The following ZBTB16 variants were observed in gnomAD, a reference collection of about 807,000 sequenced individuals.
ZBTB16 encodes the protein zinc finger and BTB domain-containing protein 16.
ZBTB16 carries 8 observed loss-of-function variants against 56.8 expected under a neutral mutation model. That is an observed-to-expected ratio of 0.14 (90% confidence interval 0.08 to 0.25). The LOEUF is 0.25. Among genes scored for constraint, ZBTB16 ranks in the 10% least tolerant of loss-of-function variants. ZBTB16 has a pLI of 1.00. For missense variants in ZBTB16, 625 were observed against 903.0 expected, an observed-to-expected ratio of 0.69 and a Z score of 3.95; for synonymous variants, 363 against 368.5, an observed-to-expected ratio of 0.98 and a Z score of 0.17.
At chr11:114,149,869 C>T (rs1368821975) in intron 2 of ZBTB16, among the ~76,000 whole-genome samples, 2 of 152,184 alleles carry the variant, frequency 1.3e-5, no homozygotes, top group Non-Finnish European at 2.9e-5. Context: ...CTTTGTGGTT[C>T]CAGGCAGTCC....
At chr11:114,204,253 A>G (rs1943801773) in intron 4 of ZBTB16, among the ~76,000 whole-genome samples, 1 of 151,260 alleles carries the variant, frequency 6.6e-6, no homozygotes, top group Non-Finnish European at 1.5e-5. Flanking sequence ...TTCCGGGTTC[A>G]AGCGATTCTC....
chr11:114,073,140 G>T (rs10891626), intron 2 of ZBTB16, among the ~76,000 whole-genome samples: 19,491 of 151,872 alleles, frequency 0.13, 1,351 homozygotes, highest in African/African-American at 0.16. Flanking sequence ...GGTGACCAGG[G>T]GGCTCATGGC....
chr11:114,227,226 C>T lies in ZBTB16; in HGVS notation c.1454-14941C>T, dbSNP rs114415815. Among the ~76,000 whole-genome samples, 675 of 152,270 alleles carry T rather than the reference C, an allele frequency of 4.4e-3. 6 individuals carry two copies. Among genetic ancestry groups the T allele is most frequent in the African/African-American group, 0.016 (653 of 41,538 alleles). ...CCTGGGGCCCAGGAAGACAGTGGCC[C>T]ATCACCCCCAGTATTGCACATCAGG... On this transcript the variant is annotated intron_variant, in intron 4 of 6. Transcript: ENST00000335953.
intron 2 of ZBTB16, among the ~76,000 whole-genome samples, chr11:114,100,826 C>T (rs1940579540): frequency 2.0e-5 from 3 of 152,174 alleles, no homozygotes; most frequent in Admixed American, 2.0e-4. Flanking sequence ...AGAATCCTCT[C>T]TTCTAAAGAT....
intron 6 of ZBTB16, among the ~76,000 whole-genome samples, chr11:114,248,072 T>TC (rs1177445186): frequency 6.6e-6 from 1 of 151,920 alleles, no homozygotes; most frequent in Non-Finnish European, 1.5e-5. Flanking sequence ...TAATTTTGTA[T>TC]TTTTTTTAGT....
At chr11:114,190,772 CAT>C (rs1462836784) in intron 4 of ZBTB16, among the ~76,000 whole-genome samples, 14 of 152,020 alleles carry the variant, frequency 9.2e-5, no homozygotes, top group Non-Finnish European at 1.5e-4. Context: ...TATATACACA[CAT>C]GTGTATACAT....
At chr11:114,065,932 G>A (rs73560765) in intron 2 of ZBTB16, among the ~76,000 whole-genome samples, 3,336 of 152,156 alleles carry the variant, frequency 0.022, 111 homozygotes, top group African/African-American at 0.073. Context: ...TAAATAACAG[G>A]GGGGATAAGT....
At chr11:114,167,237 T>G (rs1480106503) in intron 3 of ZBTB16, among the ~76,000 whole-genome samples, 6 of 133,070 alleles carry the variant, frequency 4.5e-5, no homozygotes, top group Admixed American at 1.5e-4. Context: ...TTTTGGTTTT[T>G]TTTTTTTTTT....
At position 114,253,401 on chromosome 11, in the gene ZBTB16, G is replaced by A. The variant is rs1050176315; in HGVS notation, c.*2846G>A. ...GCCCTTTCCTTTTGTAATGTGAATA[G>A]GAAGACAAAAGACAAAAAAAAATCC... On this transcript the variant is annotated 3_prime_UTR_variant, in exon 7 of 7. Coordinates refer to ENST00000335953, the MANE Select transcript of ZBTB16 (RefSeq NM_006006.6). Among the ~76,000 whole-genome samples, 2 of 139,754 alleles carry A rather than the reference G, an allele frequency of 1.4e-5. No individual in the cohort carries two copies. Among genetic ancestry groups the A allele is most frequent in the Admixed American group, 1.4e-4 (2 of 13,888 alleles). 91.7% of individuals were successfully genotyped at this position (139,754 alleles called of 152,430 possible).
intron 2 of ZBTB16, among the ~76,000 whole-genome samples, chr11:114,120,642 T>C (rs1478039386): frequency 6.6e-6 from 1 of 152,184 alleles, no homozygotes; most frequent in Non-Finnish European, 1.5e-5. Context: ...AACCACTGAG[T>C]CTGAGACCCT....
Position 114,064,577 on chromosome 11 carries a change from C to G in ZBTB16, c.1268+9C>G. 1.2e-6 allele frequency: 2 copies of G among 1,613,240 alleles called. No individual in the cohort carries two copies. The highest frequency in any genetic ancestry group is 1.7e-6 in the Non-Finnish European group (2 of 1,179,980). On this transcript the variant is annotated intron_variant, in intron 2 of 6. Coordinates refer to ENST00000335953, the MANE Select transcript of ZBTB16 (RefSeq NM_006006.6). The surrounding 1 kb of genome is among the most constrained non-coding windows in gnomAD (Gnocchi z 4.2). ...GCTGTGGAGCAGCACAGGTAGGCCC[C>G]GCTCCAGCCCCGCACCTGATGTAGG...
intron 4 of ZBTB16, among the ~76,000 whole-genome samples, chr11:114,235,949 G>T (rs1014893484): frequency 4.0e-5 from 6 of 151,838 alleles, no homozygotes; most frequent in Admixed American, 3.3e-4. Flanking sequence ...CCAGATATTT[G>T]CATGGATCCT....
At chr11:114,124,557 CAAAAAAAAAAAAA>C (rs1381254014) in intron 2 of ZBTB16, among the ~76,000 whole-genome samples, 1 of 41,050 alleles carries the variant, frequency 2.4e-5, no homozygotes, top group South Asian at 8.2e-4. Flanking sequence ...AAAAAAAAAC[CAAAAAAAAAAAAA>C]AACAAAAACA....
rs1226214137 is a variant in ZBTB16, at chr11:114,060,850, A to G, written c.-91+968A>G. ...GCCTGGGACCCAGCCGGTCGCTCCC[A>G]GGGGGTCACGGCCCTGGGTCGGAGA... On this transcript the variant is annotated intron_variant, in intron 1 of 6. Coordinates refer to ENST00000335953, the MANE Select transcript of ZBTB16 (RefSeq NM_006006.6). The surrounding 1 kb of genome is among the most constrained non-coding windows in gnomAD (Gnocchi z 6.0). Among the ~76,000 whole-genome samples, 2 of 151,708 alleles carry G rather than the reference A, an allele frequency of 1.3e-5. No individual in the cohort carries two copies. The highest frequency in any genetic ancestry group is 1.3e-4 in the Admixed American group (2 of 15,264).
At chr11:114,160,174 G>T (rs776060581) in intron 3 of ZBTB16, among the ~76,000 whole-genome samples, 28 of 152,326 alleles carry the variant, frequency 1.8e-4, no homozygotes, top group Admixed American at 1.2e-3. Context: ...CCTGGCTCCA[G>T]GCCAGGCCTG....
chr11:114,085,323 C>T (rs1049714069), intron 2 of ZBTB16, among the ~76,000 whole-genome samples: 2 of 152,134 alleles, frequency 1.3e-5, no homozygotes, highest in African/African-American at 4.8e-5. Flanking sequence ...ACCCATGGTT[C>T]GAGGAGGTCC....
intron 2 of ZBTB16, among the ~76,000 whole-genome samples, chr11:114,088,444 G>T (rs1940046912): frequency 6.6e-6 from 1 of 152,026 alleles, no homozygotes; most frequent in African/African-American, 2.4e-5. Flanking sequence ...GCCCGGCCTG[G>T]ATCTTTTATT....
At chr11:114,131,319 A>G (rs1050965664) in intron 2 of ZBTB16, among the ~76,000 whole-genome samples, 3 of 152,256 alleles carry the variant, frequency 2.0e-5, no homozygotes, top group Non-Finnish European at 4.4e-5. Context: ...TATTTGGTCC[A>G]AAATGCCAAT....
At chr11:114,148,335 G>T (rs11825686) in intron 2 of ZBTB16, among the ~76,000 whole-genome samples, 6,223 of 91,438 alleles carry the variant, frequency 0.068, 818 homozygotes, top group African/African-American at 0.28. Flanking sequence ...ATGGCTGGCT[G>T]GCTTCCTTCC....
Sources: allele counts gnomAD v4.1 joint callset (sites outside exome capture counted in the v4.1 genomes callset), GRCh38; gene constraint gnomAD v4.1.1; non-coding constraint Gnocchi (gnomAD v3.1); transcripts MANE v1.5; gene names NCBI Gene and HGNC (gene_info 2026-07-23, HGNC 2026-07-21).